Variants in ORC1 observed in about 807,000 individuals in gnomAD.
The protein encoded by ORC1 is origin recognition complex, subunit 1 homolog.
ORC1 carries 61 observed loss-of-function variants against 98.9 expected under a neutral mutation model. The ratio of observed to expected loss-of-function variants is 0.62; its 90% CI spans 0.50 to 0.76. The LOEUF (loss-of-function observed/expected upper bound fraction) is 0.76, where lower values mean the gene tolerates loss of function less well. Among genes scored for constraint, ORC1 ranks in the 30% least tolerant of loss-of-function variants. The probability of loss-of-function intolerance (pLI) is 0.00; values close to 1 mark genes in which losing one functional copy is unlikely to be tolerated. For missense variants in ORC1, 979 were observed against 1,072.2 expected (o/e 0.91, Z 1.21); for synonymous variants, 385 against 406.9 (o/e 0.95, Z 0.65).
rs370633393 is a variant in ORC1, at chr1:52,393,475, G to A, written c.1050C>T (p.Ser350=). Residue 350 remains serine, a synonymous_variant, in exon 6 of 17, where the codon TCC becomes TCT. Coordinates refer to ENST00000371568, the MANE Select transcript of ORC1 (RefSeq NM_004153.4). ...SGGQRSSVVP[S]VILKPENIKK... is the part of the protein sequence containing the mutation. ...TGATGTTTTCTGGTTTCAGAATCACGGATGGCACCACTGAAGATCTCTGTC... is the reference window on the plus strand; with the variant it reads ...TGATGTTTTCTGGTTTCAGAATCACAGATGGCACCACTGAAGATCTCTGTC... 36 of 1,613,994 alleles carry A rather than the reference G, an allele frequency of 2.2e-5. No individual in the cohort carries two copies. The East Asian group carries it at 4.9e-4, about 22-fold the overall frequency.
At chr1:52,395,194 G>C (rs777389274) in intron 5 of ORC1, among the ~76,000 whole-genome samples, 22 of 152,086 alleles carry the variant, frequency 1.4e-4, no homozygotes, top group Admixed American at 2.6e-4. Context: ...TACATTGTAA[G>C]GGGAAAAAGC....
chr1:52,397,167 C>T (rs1418074897), intron 4 of ORC1, among the ~76,000 whole-genome samples: 3 of 152,180 alleles, frequency 2.0e-5, no homozygotes, highest in Non-Finnish European at 4.4e-5. Flanking sequence ...TACAACCACA[C>T]CTCACATCAC....
At chr1:52,402,996 C>G (rs1407879729) in intron 1 of ORC1, among the ~76,000 whole-genome samples, 2 of 152,194 alleles carry the variant, frequency 1.3e-5, no homozygotes, top group African/African-American at 2.4e-5. Context: ...CCCGGAAAAG[C>G]CAGACTGCAA....
chr1:52,385,750 T>C, intron 9 of ORC1, 102 bp downstream of exon 9: 1 of 793,632 alleles, frequency 1.3e-6, no homozygotes, highest in Admixed American at 2.0e-5. Flanking sequence ...ACACAGTGTA[T>C]CTACCTTTAT....
rs141971656 is a variant in ORC1 at position 52,397,816 on chromosome 1, G to A, written c.271C>T (p.Arg91Ter). The A allele has an allele frequency of 1.1e-5, 17 of 1,614,066 alleles. No individual in the cohort carries two copies. The highest frequency in any genetic ancestry group is 3.3e-5 in the South Asian group (3 of 91,088). Residue 91 changes from arginine (R) to a stop codon, truncating the protein, a stop_gained, in exon 4 of 17, where the codon CGA becomes TGA. Transcript: ENST00000371568. LOFTEE classifies it high-confidence loss of function. ...TTACAGGCAGGGACTTCACAGAATC[G>A]GACAAACCACTGTACTCGAGCACGT... is the stretch of plus-strand genomic sequence containing the variant. ...KKRARVQWFVRFCEVPACKRH... is the reference protein window; with the variant it reads ...KKRARVQWFV
chr1:52,374,490 G>A (rs1007868933), intron 16 of ORC1, among the ~76,000 whole-genome samples: 2 of 152,196 alleles, frequency 1.3e-5, no homozygotes, highest in African/African-American at 4.8e-5. Context: ...TCTGTGATTT[G>A]TTCTCAAATA....
chr1:52,408,504 C>T (rs770092800), upstream of ORC1: 5 of 1,606,048 alleles, frequency 3.1e-6, no homozygotes, highest in African/African-American at 1.3e-5. Flanking sequence ...GTCATGAGAA[C>T]AGCTAGTTGT....
chr1:52,388,987 G>A (rs1441837555), intron 7 of ORC1, among the ~76,000 whole-genome samples: 1 of 152,138 alleles, frequency 6.6e-6, no homozygotes, highest in Non-Finnish European at 1.5e-5. Context: ...CCCACCAACA[G>A]TCTTGCTGGA....
chr1:52,392,664 A>G (rs968874847), intron 6 of ORC1, among the ~76,000 whole-genome samples: 5 of 152,134 alleles, frequency 3.3e-5, no homozygotes, highest in African/African-American at 1.2e-4. Context: ...CAGCCTAAAT[A>G]CCCATCAACC....
At position 52,402,153 on chromosome 1, in the gene ORC1, C is replaced by G; in HGVS notation, c.71G>C (p.Arg24Pro). Reference protein sequence around the residue: ...YSWVGRPLLDRKLHYQTYREM... With the variant: ...YSWVGRPLLDPKLHYQTYREM... ...CCTATAGGTTTGGTAGTGCAGTTTT[C>G]GATCCAACAAGGGCCTGCCAACCCA... is the stretch of plus-strand genomic sequence containing the variant. Residue 24 changes from arginine to proline, a missense_variant, in exon 2 of 17, where the codon CGA (arginine) becomes CCA (proline). By Grantham distance (103) the Arg-to-Pro change is moderately radical. Transcript: ENST00000371568. 3 of 1,614,096 alleles carry G rather than the reference C, an allele frequency of 1.9e-6. No homozygotes were observed. The highest frequency in any genetic ancestry group is 2.5e-6 in the Non-Finnish European group (3 of 1,179,960).
At chr1:52,402,579 A>T (rs542348654) in intron 1 of ORC1, among the ~76,000 whole-genome samples, 1 of 152,366 alleles carries the variant, frequency 6.6e-6, no homozygotes, top group African/African-American at 2.4e-5. Flanking sequence ...AAATTAAAAG[A>T]CAGTGATACA....
At chr1:52,405,023 T>C, upstream of ORC1, 2 of 855,318 alleles carry the variant, frequency 2.3e-6, no homozygotes, top group Non-Finnish European at 3.7e-6. Flanking sequence ...GAGTGCCTGC[T>C]AAGTGCCTCG....
Position 52,373,194 on chromosome 1 carries a change from A to G in ORC1, c.2573T>C (p.Leu858Pro), listed in dbSNP as rs747475137. 6.2e-7 allele frequency: 1 copy of G among 1,614,026 alleles called. No individual in the cohort carries two copies. The highest frequency in any genetic ancestry group is 8.5e-7 in the Non-Finnish European group (1 of 1,180,010). The change falls in exon 17 of 17, where the codon CTG (leucine) becomes CCG (proline). Residue 858 changes from leucine (L) to proline (P), a missense_variant. Leu to Pro is a moderately conservative substitution (Grantham distance 98). Transcript: ENST00000371568. ...NVSQDDVLYA[L>P]KDE is the part of the protein sequence containing the mutation. Reference sequence around the variant, plus strand: ...TGTGAAGCCCCTTTACTCGTCTTTCAGCGCATACAGCACATCATCCTGGCT... The same window carrying G: ...TGTGAAGCCCCTTTACTCGTCTTTCGGCGCATACAGCACATCATCCTGGCT...
chr1:52,404,523 A>T, upstream of ORC1: 1 of 480,962 alleles, frequency 2.1e-6, no homozygotes, highest in Non-Finnish European at 3.7e-6. Flanking sequence ...TACACCTAAG[A>T]GGGGCGCATG....
intron 16 of ORC1, among the ~76,000 whole-genome samples, 180 bp downstream of exon 16, chr1:52,374,630 G>A (rs892160670): frequency 2.0e-5 from 3 of 152,168 alleles, no homozygotes; most frequent in South Asian, 2.1e-4. Context: ...GAAACCAGTC[G>A]CTAAAGGTCT....
intron 1 of ORC1, among the ~76,000 whole-genome samples, chr1:52,402,790 T>G (rs1647780605): frequency 6.6e-6 from 1 of 151,948 alleles, no homozygotes; most frequent in African/African-American, 2.4e-5. Context: ...AAAAATCAGG[T>G]GGGCATGGTG....
chr1:52,408,548 T>G, upstream of ORC1: 1 of 1,614,012 alleles, frequency 6.2e-7, no homozygotes, highest in Non-Finnish European at 8.5e-7. Context: ...GCCTGTTGTT[T>G]CACTGTCATC....
At chr1:52,392,869 G>T (rs1647252542) in intron 6 of ORC1, among the ~76,000 whole-genome samples, 1 of 152,158 alleles carries the variant, frequency 6.6e-6, no homozygotes, top group South Asian at 2.1e-4. Flanking sequence ...GGATGCAAAG[G>T]CATAAGAATG....
chr1:52,408,695 G>T (rs1557591689), upstream of ORC1: 1 of 1,613,952 alleles, frequency 6.2e-7, no homozygotes. Context: ...ATGGGGGTAA[G>T]TATGGTGCTA....
Sources: allele counts gnomAD v4.1 joint callset (sites outside exome capture counted in the v4.1 genomes callset), GRCh38; gene constraint gnomAD v4.1.1; transcripts MANE v1.5; gene names NCBI Gene and HGNC (gene_info 2026-07-23, HGNC 2026-07-21).